Variants in SMARCA1 observed in about 807,000 individuals in gnomAD.
The protein encoded by SMARCA1 is SWI/SNF-related matrix-associated actin-dependent regulator of chromatin subfamily A member 1.
Under a neutral mutation model 93.6 loss-of-function variants are expected in SMARCA1, and 17 were observed. The observed-to-expected ratio is 0.18, with a 90% CI of 0.12 to 0.27. The LOEUF (loss-of-function observed/expected upper bound fraction) is 0.27. Ranked by LOEUF, SMARCA1 falls within the 10% of genes least tolerant of loss-of-function variation. The probability of loss-of-function intolerance (pLI) is 1.00; values close to 1 mark genes in which losing one functional copy is unlikely to be tolerated. For synonymous variants in SMARCA1, 271 were observed against 271.4 expected, an observed-to-expected ratio of 1.00 and a Z score of 0.01; for missense variants, 630 against 819.0, an observed-to-expected ratio of 0.77 and a Z score of 2.82.
intron 11 of SMARCA1, 114 bp from the exon 12 acceptor site, chrX:129,496,985 GCACACACACACGTGCACACACACA>G (rs1934353504): frequency 3.8e-6 from 2 of 531,881 alleles, no homozygotes; most frequent in East Asian, 7.1e-5. Context: ...CTCCACTAAC[GCACACACACACGTGCACACACACA>G]CACACACACA....
chrX:129,523,095 G>A, intron 1 of SMARCA1, 102 bp downstream of exon 1: 1 of 969,878 alleles, frequency 1.0e-6, no homozygotes, highest in Non-Finnish European at 1.4e-6. Context: ...GCCCCGCAAA[G>A]CTCCGCGGGT....
Position 129,523,274 on chromosome X carries a change from T to C in SMARCA1, c.97A>G (p.Thr33Ala), listed in dbSNP as rs1468968998. 1.7e-6 allele frequency: 2 copies of C among 1,209,330 alleles called. No homozygotes were observed. The highest frequency in any genetic ancestry group is 1.8e-5 in the South Asian group (1 of 56,888). Reference protein sequence around the residue: ...VIEDEQPGPSTSQEEGAAAAA... With the variant: ...VIEDEQPGPSASQEEGAAAAA... Reference sequence around the variant, plus strand: ...GCGGCCGCTCCCTCCTCCTGAGAGGTGGACGGCCCGGGCTGCTCGTCCTCT... The same window carrying C: ...GCGGCCGCTCCCTCCTCCTGAGAGGCGGACGGCCCGGGCTGCTCGTCCTCT... Residue 33 changes from threonine to alanine, a missense_variant, in exon 1 of 25, where the codon ACC becomes GCC. By Grantham distance (58) the Thr-to-Ala change is moderately conservative. Coordinates refer to ENST00000371121, the MANE Select transcript of SMARCA1 (RefSeq NM_001282874.2).
At chrX:129,462,197 C>A (rs764638671) in intron 23 of SMARCA1, among the ~76,000 whole-genome samples, 2 of 112,106 alleles carry the variant, frequency 1.8e-5, no homozygotes, top group Non-Finnish European at 3.8e-5. Context: ...CTTTAGTAAG[C>A]TAAGTTCAAT....
In SMARCA1 at chrX:129,495,920, G is replaced by A. The variant is rs781466330; in HGVS notation, c.1626+830C>T. ...CCTGAGTAGCTGGGATTATAGACGC[G>A]CGCCACCACACCCAGCTAATTTTTT... On this transcript the variant is annotated intron_variant, in intron 12 of 24. Coordinates refer to ENST00000371121, the MANE Select transcript of SMARCA1 (RefSeq NM_001282874.2). 2.6e-4 allele frequency among the ~76,000 whole-genome samples: 27 copies of A among 104,631 alleles called. No homozygotes were observed. In the East Asian group the frequency reaches 7.5e-3, roughly 29 times the overall value. 90.9% of individuals were successfully genotyped at this position (104,631 alleles called of 115,157 possible).
chrX:129,506,084 G>T lies in SMARCA1; in HGVS notation c.1094C>A (p.Ala365Glu), dbSNP rs746568764. The T allele has an allele frequency of 4.2e-6, 5 of 1,190,380 alleles. No individual in the cohort carries two copies. The highest frequency in any genetic ancestry group is 5.7e-6 in the Non-Finnish European group (5 of 879,541). The change falls in exon 8 of 25, where the codon GCA becomes GAA. Residue 365 changes from alanine (A) to glutamate (E), a missense_variant. Ala to Glu is a moderately radical substitution (Grantham distance 107, BLOSUM62 -1). Coordinates refer to ENST00000371121, the MANE Select transcript of SMARCA1 (RefSeq NM_001282874.2). ...AAACGTATGGCTTAAACTTACATCT[G>T]CAGAATTAAAGACATCAGGCAATAA... ...NFLLPDVFNS[A>E]DDFDSWFDTK... is the part of the protein sequence containing the mutation.
In SMARCA1 at chrX:129,489,039, C is replaced by T. The variant is rs765912539; in HGVS notation, c.1995G>A (p.Met665Ile). The change falls in exon 16 of 25, where the codon ATG becomes ATA. Residue 665 changes from methionine to isoleucine, a missense_variant. Around this residue, in one of 4 missense-constraint regions of SMARCA1, gnomAD observed 382 missense variants for 537.9 expected, o/e 0.71. Transcript: ENST00000371121. ...QQSNKLAKEE[M>I]LQMIRHGATH... ...TGGCTCCATGCCGTATCATTTGTAA[C>T]ATTTCCTCTTTTGCCAGCTTGTTAG... is the stretch of plus-strand genomic sequence containing the variant. 4.2e-6 allele frequency: 5 copies of T among 1,190,299 alleles called. No individual in the cohort carries two copies. The East Asian group carries it at 1.5e-4, about 35-fold the overall frequency.
At chrX:129,489,994 TCTC>T in intron 15 of SMARCA1, 63 bp downstream of exon 15, 3 of 842,787 alleles carry the variant, frequency 3.6e-6, no homozygotes. Context: ...TTAAAAGTAA[TCTC>T]CTTTGAAGAA....
At position 129,516,014 on chromosome X, in the gene SMARCA1, T is replaced by C; in HGVS notation, c.429-20A>G. 9.3e-7 allele frequency: 1 copy of C among 1,075,668 alleles called. No individual in the cohort carries two copies. Among genetic ancestry groups the C allele is most frequent in the African/African-American group, 1.8e-5 (1 of 54,910 alleles). The allele number at this position is 1,075,668 out of a possible 1,213,427, so 88.6% of individuals were successfully genotyped here. ...CGGTAGCTGAAATTAAAAAAGGAAA[T>C]CCCTTCATATTCGACCTAAATGATA... On this transcript the variant is annotated intron_variant, in intron 3 of 24. Coordinates refer to ENST00000371121, the MANE Select transcript of SMARCA1 (RefSeq NM_001282874.2).
intron 12 of SMARCA1, 63 bp downstream of exon 12, chrX:129,496,687 T>A: frequency 9.3e-7 from 1 of 1,069,708 alleles, no homozygotes; most frequent in Non-Finnish European, 1.3e-6. Flanking sequence ...CTACCTAATG[T>A]TGATATACAT....
At chrX:129,508,532 T>G (rs751790985) in intron 6 of SMARCA1, among the ~76,000 whole-genome samples, 100 of 112,501 alleles carry the variant, frequency 8.9e-4, no homozygotes, top group African/African-American at 3.0e-3. Context: ...GCATGAATGA[T>G]TCCAACCTTT....
intron 16 of SMARCA1, 75 bp downstream of exon 16, chrX:129,488,862 T>C (rs1047174208): frequency 1.6e-6 from 1 of 638,992 alleles, no homozygotes; most frequent in Non-Finnish European, 2.4e-6. Flanking sequence ...ACATGTACAA[T>C]GAAAATATAA....
Position 129,515,785 on chromosome X carries a change from C to A in SMARCA1, c.532G>T (p.Val178Leu), listed in dbSNP as rs1184872108. The part of the protein sequence containing the change: ...CIRFEVSPSY[V>L]KGGPLRDYQI... ...TAATCTCTCAGTGGCCCCCCTTTCA[C>A]ATCTGGTGAAAAAATGCAAGGACAT... Residue 178 changes from valine to leucine, a missense_variant and splice_region_variant, in exon 5 of 25, where the codon GTG becomes TTG. Physicochemically the swap from Val to Leu is conservative, Grantham distance 32 (BLOSUM62 1). Coordinates refer to ENST00000371121, the MANE Select transcript of SMARCA1 (RefSeq NM_001282874.2). 2 of 1,185,498 alleles carry A rather than the reference C, an allele frequency of 1.7e-6. No homozygotes were observed. The highest frequency in any genetic ancestry group is 3.5e-5 in the African/African-American group (2 of 56,693).
intron 9 of SMARCA1, among the ~76,000 whole-genome samples, chrX:129,501,254 A>T (rs1934542954): frequency 9.0e-6 from 1 of 110,614 alleles, no homozygotes; most frequent in Non-Finnish European, 1.9e-5. Context: ...CTATTTCCTC[A>T]TCGGTTCATC....
chrX:129,485,807 C>T (rs1247756003), intron 17 of SMARCA1, among the ~76,000 whole-genome samples: 1 of 111,495 alleles, frequency 9.0e-6, no homozygotes, highest in East Asian at 2.8e-4. Context: ...TACTGTCTCT[C>T]TCTCTCTGTC....
At chrX:129,511,576 T>C (rs1187278333) in intron 6 of SMARCA1, among the ~76,000 whole-genome samples, 5 of 111,599 alleles carry the variant, frequency 4.5e-5, no homozygotes, top group Non-Finnish European at 9.4e-5. Flanking sequence ...TGAAGCATAA[T>C]AATGGATTGT....
chrX:129,489,312 G>T, intron 15 of SMARCA1, among the ~76,000 whole-genome samples: 1 of 111,926 alleles, frequency 8.9e-6, no homozygotes. Context: ...AAACCCAGAA[G>T]GACAGAAACT....
At chrX:129,464,553 G>A (rs1259845933) in intron 23 of SMARCA1, among the ~76,000 whole-genome samples, 1 of 112,369 alleles carries the variant, frequency 8.9e-6, no homozygotes, top group Non-Finnish European at 1.9e-5. Context: ...ACATTAGAAA[G>A]TAATGGAGGA....
rs1163152087 is a variant in SMARCA1, at chrX:129,515,956, T to A, written c.467A>T (p.Glu156Val). The A allele has an allele frequency of 8.3e-7, 1 of 1,207,809 alleles. No homozygotes were observed. Among genetic ancestry groups the A allele is most frequent in the Non-Finnish European group, 1.1e-6 (1 of 892,793 alleles). ...HRRTEQEEDE[E>V]LLSESRKTSN... ...TGTTTTCCGACTCTCAGACAGTAGCTCTTCATCTTCTTCTTGCTCTGTGCG... is the reference window on the plus strand; with the variant it reads ...TGTTTTCCGACTCTCAGACAGTAGCACTTCATCTTCTTCTTGCTCTGTGCG... The change falls in exon 4 of 25, where the codon GAG becomes GTG. Residue 156 changes from glutamate (E) to valine (V), a missense_variant. Physicochemically the swap from Glu to Val is moderately radical, Grantham distance 121. Around this residue, in one of 4 missense-constraint regions of SMARCA1, gnomAD observed 382 missense variants for 537.9 expected, o/e 0.71. Transcript: ENST00000371121.
chrX:129,495,110 G>A (rs1330442146), intron 12 of SMARCA1, among the ~76,000 whole-genome samples: 2 of 112,320 alleles, frequency 1.8e-5, no homozygotes, highest in African/African-American at 6.5e-5. Flanking sequence ...CCCAGTGTGA[G>A]TGGTGTGTGT....
Sources: allele counts gnomAD v4.1 joint callset (sites outside exome capture counted in the v4.1 genomes callset), GRCh38; gene constraint gnomAD v4.1.1; regional missense constraint gnomAD v4.1.1; transcripts MANE v1.5; gene names NCBI Gene and HGNC (gene_info 2026-07-23, HGNC 2026-07-21).